Variants in RIMS1 observed in about 807,000 individuals in gnomAD.
RIMS1 encodes the protein regulating synaptic membrane exocytosis protein 1.
RIMS1 carries 83 observed loss-of-function variants against 214.1 expected under a neutral mutation model. That is an observed-to-expected ratio of 0.39 (90% CI 0.32 to 0.47). RIMS1 has a LOEUF of 0.47. Among genes scored for constraint, RIMS1 ranks in the 20% least tolerant of loss-of-function variants. The pLI, the probability that RIMS1 is intolerant of heterozygous loss-of-function variation, is 0.99. For synonymous variants in RIMS1, 793 were observed against 786.8 expected (o/e 1.01, Z -0.13); for missense variants, 2,050 against 2,161.8 (o/e 0.95, Z 1.03).
intron 1 of RIMS1, among the ~76,000 whole-genome samples, chr6:71,957,815 G>C (rs1222359377): frequency 6.8e-6 from 1 of 146,940 alleles, no homozygotes; most frequent in African/African-American, 2.7e-5. Context: ...AAAAGAGTCA[G>C]CCTTTATTAT....
At chr6:72,085,382 A>T in intron 2 of RIMS1, among the ~76,000 whole-genome samples, 1 of 152,180 alleles carries the variant, frequency 6.6e-6, no homozygotes, top group Non-Finnish European at 1.5e-5. Flanking sequence ...TTTAAAACTC[A>T]CATATACAAA....
chr6:72,087,750 A>G (rs1381731935), intron 2 of RIMS1, among the ~76,000 whole-genome samples: 2 of 152,226 alleles, frequency 1.3e-5, no homozygotes, highest in East Asian at 1.9e-4. Flanking sequence ...TCATAAAGCC[A>G]TATTTCATCT....
At chr6:71,898,482 A>G (rs1772561745) in intron 1 of RIMS1, among the ~76,000 whole-genome samples, 2 of 152,126 alleles carry the variant, frequency 1.3e-5, no homozygotes, top group Admixed American at 1.3e-4. Context: ...GTTGAACTAA[A>G]TTGTATAGCC....
intron 2 of RIMS1, among the ~76,000 whole-genome samples, chr6:72,025,163 C>G (rs1562142259): frequency 1.3e-5 from 2 of 152,118 alleles, no homozygotes; most frequent in South Asian, 4.1e-4. Context: ...CTTGCTCTCC[C>G]AAGTGCTGGG....
chr6:71,894,055 G>T (rs771291869), intron 1 of RIMS1, among the ~76,000 whole-genome samples: 4 of 152,172 alleles, frequency 2.6e-5, no homozygotes, highest in African/African-American at 4.8e-5. Flanking sequence ...GCAATTAACA[G>T]TGTTAAAATA....
intron 23 of RIMS1, among the ~76,000 whole-genome samples, chr6:72,278,212 G>C (rs2087808010): frequency 6.6e-6 from 1 of 150,874 alleles, no homozygotes; most frequent in East Asian, 1.9e-4. Context: ...TGATTTTTAA[G>C]GGTACAATTT....
At chr6:71,931,096 C>T (rs1159045116) in intron 1 of RIMS1, among the ~76,000 whole-genome samples, 2 of 152,026 alleles carry the variant, frequency 1.3e-5, no homozygotes, top group Non-Finnish European at 2.9e-5. Flanking sequence ...AATTCAAATA[C>T]ATTGACCCTT....
intron 29 of RIMS1, among the ~76,000 whole-genome samples, chr6:72,361,729 T>G (rs983041704): frequency 2.0e-5 from 3 of 152,214 alleles, no homozygotes; most frequent in African/African-American, 7.2e-5. Flanking sequence ...TTCCTTGGCT[T>G]CTTTTATCAT....
chr6:72,399,954 C>A (rs1366858473), intron 33 of RIMS1, among the ~76,000 whole-genome samples: 1 of 152,018 alleles, frequency 6.6e-6, no homozygotes, highest in Admixed American at 6.6e-5. Context: ...CAGGCAAGTC[C>A]TCAAAAGGTA....
intron 4 of RIMS1, among the ~76,000 whole-genome samples, chr6:72,174,865 T>G (rs2047499495): frequency 6.6e-6 from 1 of 152,192 alleles, no homozygotes; most frequent in Non-Finnish European, 1.5e-5. Flanking sequence ...TTGTCTTTCA[T>G]AAAACCACAT....
At chr6:72,064,581 A>G (rs1165899653) in intron 2 of RIMS1, among the ~76,000 whole-genome samples, 1 of 152,214 alleles carries the variant, frequency 6.6e-6, no homozygotes, top group African/African-American at 2.4e-5. Flanking sequence ...TGCTGTGACA[A>G]TGTGGTTCCA....
Position 72,259,026 on chromosome 6 carries a change from C to A in RIMS1, c.2968C>A (p.Pro990Thr). Reference sequence around the variant, plus strand: ...TCATCCAACAAGAAGGTCACGTTCTCCAACCAGACACCATGATGCCTCCCG... The same window carrying A: ...TCATCCAACAAGAAGGTCACGTTCTACAACCAGACACCATGATGCCTCCCG... Reference protein sequence around the residue: ...EIHPTRRSRSPTRHHDASRSP... With the variant: ...EIHPTRRSRSTTRHHDASRSP... The change falls in exon 18 of 34, where the codon CCA becomes ACA. Residue 990 changes from proline (P) to threonine (T), a missense_variant. By Grantham distance (38) the Pro-to-Thr change is conservative. This residue lies in a region of RIMS1 where 889 missense variants were observed against 885.5 expected (regional missense o/e 1.00). Coordinates refer to ENST00000521978, the MANE Select transcript of RIMS1 (RefSeq NM_014989.7). 6.2e-7 allele frequency: 1 copy of A among 1,612,546 alleles called. No individual in the cohort carries two copies. Among genetic ancestry groups the A allele is most frequent in the Non-Finnish European group, 8.5e-7 (1 of 1,178,810 alleles).
At chr6:71,928,068 G>C (rs1026756718) in intron 1 of RIMS1, among the ~76,000 whole-genome samples, 5 of 152,106 alleles carry the variant, frequency 3.3e-5, no homozygotes, top group Non-Finnish European at 7.4e-5. Context: ...TGAGCAATAT[G>C]TTAGTGTACG....
intron 1 of RIMS1, among the ~76,000 whole-genome samples, chr6:71,930,324 A>C (rs1400736169): frequency 6.6e-6 from 1 of 152,034 alleles, no homozygotes; most frequent in Non-Finnish European, 1.5e-5. Flanking sequence ...TTTATTTTAG[A>C]ATATTTTTAA....
intron 4 of RIMS1, among the ~76,000 whole-genome samples, chr6:72,179,124 A>G (rs1476403300): frequency 6.6e-6 from 1 of 152,170 alleles, no homozygotes; most frequent in Non-Finnish European, 1.5e-5. Context: ...TTTTGAAAAG[A>G]CAGACTTTTT....
intron 2 of RIMS1, among the ~76,000 whole-genome samples, chr6:72,042,311 C>T (rs935087239): frequency 6.6e-6 from 1 of 151,780 alleles, no homozygotes; most frequent in African/African-American, 2.4e-5. Flanking sequence ...GCTATGGCAA[C>T]ATACTTTTAC....
intron 6 of RIMS1, among the ~76,000 whole-genome samples, chr6:72,210,861 T>G (rs1183181632): frequency 6.6e-6 from 1 of 152,202 alleles, no homozygotes; most frequent in Non-Finnish European, 1.5e-5. Flanking sequence ...GTATAGTTGA[T>G]ACTCAGAATT....
intron 1 of RIMS1, among the ~76,000 whole-genome samples, chr6:71,937,468 G>A (rs1315128919): frequency 6.6e-6 from 1 of 152,058 alleles, no homozygotes; most frequent in Admixed American, 6.6e-5. Flanking sequence ...TCCCAGGCTG[G>A]TTTCAAACTC....
intron 26 of RIMS1, among the ~76,000 whole-genome samples, chr6:72,294,641 G>A (rs1017773357): frequency 4.0e-5 from 6 of 151,540 alleles, no homozygotes; most frequent in Non-Finnish European, 8.9e-5. Context: ...CTGTTTCACT[G>A]GAAGTATTTT....
Sources: allele counts gnomAD v4.1 joint callset (sites outside exome capture counted in the v4.1 genomes callset), GRCh38; gene constraint gnomAD v4.1.1; regional missense constraint gnomAD v4.1.1; transcripts MANE v1.5; gene names NCBI Gene and HGNC (gene_info 2026-07-23, HGNC 2026-07-21).